The following JAK1 variants were observed in gnomAD, a reference collection of about 807,000 sequenced individuals.
The protein encoded by JAK1 is Janus kinase 1.
JAK1 carries 16 observed loss-of-function variants against 136.6 expected under a neutral mutation model. The ratio of observed to expected loss-of-function variants is 0.12; its 90% confidence interval spans 0.08 to 0.18. The LOEUF (loss-of-function observed/expected upper bound fraction) is 0.18, where lower values mean the gene tolerates loss of function less well. Among genes scored for constraint, JAK1 ranks in the 10% least tolerant of loss-of-function variants. The pLI is 1.00. For missense variants in JAK1, 859 were observed against 1,450.1 expected, an observed-to-expected ratio of 0.59 and a Z score of 6.62; for synonymous variants, 492 against 519.5, an observed-to-expected ratio of 0.95 and a Z score of 0.72.
chr1:64,922,494 T>TC, intron 1 of JAK1, among the ~76,000 whole-genome samples: 1 of 151,856 alleles, frequency 6.6e-6, no homozygotes, highest in South Asian at 2.1e-4. Flanking sequence ...AAACACATTT[T>TC]TTTTTAAAGC....
chr1:64,904,600 T>C (rs1002569107), intron 1 of JAK1, among the ~76,000 whole-genome samples: 1 of 152,212 alleles, frequency 6.6e-6, no homozygotes, highest in Non-Finnish European at 1.5e-5. Flanking sequence ...ATGTTCTCTA[T>C]GCTCTCTTTC....
chr1:64,935,968 C>T (rs990800897), intron 1 of JAK1, among the ~76,000 whole-genome samples: 2 of 152,154 alleles, frequency 1.3e-5, no homozygotes, highest in Admixed American at 1.3e-4. Context: ...AGCTGCCCCA[C>T]AAACAGACGG....
chr1:64,926,391 C>T (rs913220371), intron 1 of JAK1, among the ~76,000 whole-genome samples: 2 of 138,374 alleles, frequency 1.4e-5, no homozygotes, highest in Admixed American at 7.3e-5. Context: ...AGTGGCTCCA[C>T]ACTGCCCAGG....
intron 1 of JAK1, among the ~76,000 whole-genome samples, chr1:64,890,646 A>AT (rs1363037505): frequency 2.2e-4 from 33 of 152,354 alleles, no homozygotes; most frequent in Non-Finnish European, 2.9e-5. Context: ...AAAACTCTTC[A>AT]TCAAGTACCT....
upstream of JAK1, among the ~76,000 whole-genome samples, chr1:64,968,553 C>A (rs55947781): frequency 0.53 from 81,146 of 151,982 alleles, 25,676 homozygotes; most frequent in Non-Finnish European, 0.72. Flanking sequence ...CTTTGGGAGG[C>A]TGAGGCAGGA....
chr1:64,883,328 T>G lies in JAK1; in HGVS notation c.154A>C (p.Ser52Arg). 1 of 1,614,156 alleles carries G rather than the reference T, an allele frequency of 6.2e-7. No individual in the cohort carries two copies. The highest frequency in any genetic ancestry group is 1.3e-5 in the African/African-American group (1 of 75,052). Residue 52 changes from serine (S) to arginine (R), a missense_variant, in exon 3 of 25, where the codon AGT (serine) becomes CGT (arginine). By Grantham distance (110) the Ser-to-Arg change is moderately radical. Around this residue, in one of 4 missense-constraint regions of JAK1, gnomAD observed 353 missense variants for 494.0 expected, o/e 0.71. Coordinates refer to ENST00000342505, the MANE Select transcript of JAK1 (RefSeq NM_002227.4). The part of the protein sequence containing the change: ...LSDREPLRLG[S>R]GEYTAEELCI... ...AGTTCCTCTGCTGTGTACTCTCCACTGCCCAGCCGGAGGGGCTCCCTGTCC... is the reference window on the plus strand; with the variant it reads ...AGTTCCTCTGCTGTGTACTCTCCACGGCCCAGCCGGAGGGGCTCCCTGTCC...
intron 2 of JAK1, among the ~76,000 whole-genome samples, chr1:64,978,961 G>A (rs529511303): frequency 1.2e-4 from 19 of 152,024 alleles, no homozygotes; most frequent in East Asian, 3.9e-4. Flanking sequence ...TCAAAATTCC[G>A]TGCATCTTTA....
chr1:64,870,031 T>C (rs556357639), intron 5 of JAK1, among the ~76,000 whole-genome samples: 94 of 152,254 alleles, frequency 6.2e-4, no homozygotes, highest in Non-Finnish European at 1.2e-3. Flanking sequence ...CCCCCACTGA[T>C]GGAGGTGCAC....
chr1:64,834,614 T>C lies in JAK1; in HGVS notation c.3413A>G (p.Asn1138Ser), dbSNP rs774929119. ...MRKCWEFQPSNRTSFQNLIEG... is the reference protein window; with the variant it reads ...MRKCWEFQPSSRTSFQNLIEG... The stretch of plus-strand genomic sequence containing the variant: ...AATAAGGTTCTGAAAGCTTGTCCGA[T>C]TGGATGGTTGGAATTCCCAGCATTT... The change falls in exon 25 of 25, where the codon AAT (asparagine) becomes AGT (serine). Residue 1138 changes from asparagine to serine, a missense_variant. Coordinates refer to ENST00000342505, the MANE Select transcript of JAK1 (RefSeq NM_002227.4). The C allele has an allele frequency of 1.4e-5, 22 of 1,612,522 alleles. No homozygotes were observed. Among genetic ancestry groups the C allele is most frequent in the Non-Finnish European group, 1.7e-5 (20 of 1,178,876 alleles).
chr1:64,855,552 G>C lies in JAK1; in HGVS notation c.1605C>G (p.Asn535Lys). 1 of 1,614,180 alleles carries C rather than the reference G, an allele frequency of 6.2e-7. No individual in the cohort carries two copies. The highest frequency in any genetic ancestry group is 8.5e-7 in the Non-Finnish European group (1 of 1,180,038). The change falls in exon 11 of 25, where the codon AAC becomes AAG. Residue 535 changes from asparagine to lysine, a missense_variant. By Grantham distance (94) the Asn-to-Lys change is moderately conservative. Transcript: ENST00000342505. The part of the protein sequence containing the change: ...HLKKQILRTD[N>K]ISFMLKRCCQ... ...AGCAGCGTTTTAGCATGAAGCTGAT[G>C]TTATCCGTGCGCAGGATCTGCTTCT... is the stretch of plus-strand genomic sequence containing the variant.
chr1:65,021,230 G>A (rs1646934623), intron 2 of JAK1, among the ~76,000 whole-genome samples: 1 of 152,194 alleles, frequency 6.6e-6, no homozygotes, highest in Non-Finnish European at 1.5e-5. Flanking sequence ...TGAATCTAAA[G>A]TGGTAGCCAC....
intron 1 of JAK1, among the ~76,000 whole-genome samples, chr1:64,950,806 C>T (rs1469981188): frequency 6.6e-6 from 1 of 152,190 alleles, no homozygotes; most frequent in Admixed American, 6.5e-5. Context: ...TGACTACCTT[C>T]TGTACCATTT....
chr1:64,977,904 A>AATTAAATTTTACTTTTAATT (rs1392825013), intron 2 of JAK1, among the ~76,000 whole-genome samples: 4,006 of 152,226 alleles, frequency 0.026, 178 homozygotes, highest in African/African-American at 0.09. Context: ...TTTCATCGTC[A>AATTAAATTTTACTTTTAATT]TCGGTAAGTA....
intron 2 of JAK1, 58 bp from the exon 3 acceptor site, chr1:64,883,533 G>C: frequency 7.0e-7 from 1 of 1,433,666 alleles, no homozygotes; most frequent in African/African-American, 1.4e-5. Context: ...AGTTCTTATG[G>C]CAAAAGGGAG....
At chr1:64,986,463 C>T (rs1329831849) in intron 2 of JAK1, among the ~76,000 whole-genome samples, 6 of 152,074 alleles carry the variant, frequency 3.9e-5, no homozygotes, top group East Asian at 1.9e-4. Flanking sequence ...ATTCCAGAGA[C>T]ACCTTTTTCA....
intron 1 of JAK1, among the ~76,000 whole-genome samples, chr1:64,909,134 G>C (rs548068040): frequency 1.3e-5 from 2 of 152,356 alleles, no homozygotes; most frequent in South Asian, 4.1e-4. Flanking sequence ...TGCAACGTAA[G>C]GCATTCCAAT....
intron 1 of JAK1, among the ~76,000 whole-genome samples, chr1:64,898,695 A>G (rs1169872852): frequency 1.3e-5 from 2 of 152,212 alleles, no homozygotes; most frequent in Non-Finnish European, 2.9e-5. Context: ...AAATTTGCAT[A>G]AATAGTTTCC....
intron 2 of JAK1, among the ~76,000 whole-genome samples, chr1:65,018,411 T>TA (rs1646907539): frequency 6.8e-6 from 1 of 146,390 alleles, no homozygotes; most frequent in South Asian, 2.1e-4. Flanking sequence ...TTGAGAAGAC[T>TA]AAAAAAGGTG....
chr1:64,837,286 A>G (rs763865400), intron 22 of JAK1, among the ~76,000 whole-genome samples: 75 of 152,330 alleles, frequency 4.9e-4, no homozygotes, highest in Middle Eastern at 3.4e-3. Flanking sequence ...TTTAGGCTCC[A>G]TAAGTGGGAG....
Sources: allele counts gnomAD v4.1 joint callset (sites outside exome capture counted in the v4.1 genomes callset), GRCh38; gene constraint gnomAD v4.1.1; regional missense constraint gnomAD v4.1.1; transcripts MANE v1.5; gene names NCBI Gene and HGNC (gene_info 2026-07-23, HGNC 2026-07-21).